The following NOS1AP variants were observed in gnomAD, a reference collection of about 807,000 sequenced individuals.
NOS1AP encodes carboxyl-terminal PDZ ligand of neuronal nitric oxide synthase protein.
In NOS1AP, 21 loss-of-function variants were observed where a neutral mutation model predicts 56.2. The ratio of observed to expected loss-of-function variants is 0.37; its 90% confidence interval spans 0.26 to 0.54. NOS1AP has a LOEUF of 0.54. NOS1AP is among the 20% of genes least tolerant of loss of function. The probability of loss-of-function intolerance (pLI) is 0.84; values close to 1 mark genes in which losing one functional copy is unlikely to be tolerated. For synonymous variants in NOS1AP, 270 were observed against 274.6 expected, an observed-to-expected ratio of 0.98 and a Z score of 0.17; for missense variants, 522 against 657.8, an observed-to-expected ratio of 0.79 and a Z score of 2.26.
chr1:162,167,460 G>T (rs1268813921), intron 2 of NOS1AP, among the ~76,000 whole-genome samples: 1 of 152,234 alleles, frequency 6.6e-6, no homozygotes, highest in African/African-American at 2.4e-5. Context: ...AGGCCACAGC[G>T]GAGAGAGCTG....
chr1:162,139,082 G>A (rs1649121454), intron 1 of NOS1AP, among the ~76,000 whole-genome samples: 1 of 152,024 alleles, frequency 6.6e-6, no homozygotes, highest in Non-Finnish European at 1.5e-5. Flanking sequence ...GCTCCCTTGT[G>A]GATGAGGGCT....
At chr1:162,170,545 T>A (rs1222537125) in intron 2 of NOS1AP, among the ~76,000 whole-genome samples, 1 of 152,092 alleles carries the variant, frequency 6.6e-6, no homozygotes, top group Non-Finnish European at 1.5e-5. Context: ...GGAGCAGGAA[T>A]AGGTTAGTTT....
chr1:162,202,195 A>T (rs541232640), intron 2 of NOS1AP, among the ~76,000 whole-genome samples: 3 of 152,176 alleles, frequency 2.0e-5, no homozygotes, highest in Admixed American at 6.5e-5. Context: ...AATGAATTTC[A>T]TTTTGGATGG....
intron 4 of NOS1AP, among the ~76,000 whole-genome samples, chr1:162,302,561 A>T (rs745891204): frequency 3.3e-5 from 5 of 152,220 alleles, no homozygotes; most frequent in African/African-American, 4.8e-5. Flanking sequence ...GATGCTGATC[A>T]TGAGTGAGTT....
At chr1:162,320,599 T>C (rs1047972455) in intron 4 of NOS1AP, among the ~76,000 whole-genome samples, 1 of 152,142 alleles carries the variant, frequency 6.6e-6, no homozygotes, top group African/African-American at 2.4e-5. Context: ...CTCACGCCTG[T>C]AATCCCAGCA....
At chr1:162,191,785 C>T (rs1300976764) in intron 2 of NOS1AP, among the ~76,000 whole-genome samples, 1 of 152,114 alleles carries the variant, frequency 6.6e-6, no homozygotes, top group East Asian at 1.9e-4. Flanking sequence ...AAAGTTGGCC[C>T]ATTAATTTTA....
At chr1:162,296,002 A>G (rs913003077) in intron 3 of NOS1AP, among the ~76,000 whole-genome samples, 4 of 152,176 alleles carry the variant, frequency 2.6e-5, no homozygotes, top group African/African-American at 9.7e-5. Context: ...AAGCTCCAAC[A>G]GTGGCCGGGT....
chr1:162,086,573 G>T (rs537105033), intron 1 of NOS1AP, among the ~76,000 whole-genome samples: 1 of 152,180 alleles, frequency 6.6e-6, no homozygotes, highest in African/African-American at 2.4e-5. Context: ...ATGAATCAAT[G>T]CATGAAGTTG....
chr1:162,336,734 T>C (rs1656951823), intron 5 of NOS1AP, among the ~76,000 whole-genome samples: 2 of 152,204 alleles, frequency 1.3e-5, no homozygotes, highest in African/African-American at 2.4e-5. Context: ...ATAAGAAAGA[T>C]ACGTGAGCCT....
chr1:162,164,317 C>A (rs12033217), intron 2 of NOS1AP, among the ~76,000 whole-genome samples: 32,203 of 152,150 alleles, frequency 0.21, 3,809 homozygotes, highest in East Asian at 0.38. Flanking sequence ...TTGCATTGAG[C>A]ATCTACTCTT....
At chr1:162,294,967 A>ACTGCTGCTG (rs1167178801) in intron 3 of NOS1AP, among the ~76,000 whole-genome samples, 8 of 152,042 alleles carry the variant, frequency 5.3e-5, no homozygotes, top group Non-Finnish European at 1.0e-4. Context: ...TGGCCTCACC[A>ACTGCTGCTG]CTGCTGCTGC....
intron 2 of NOS1AP, among the ~76,000 whole-genome samples, chr1:162,276,957 T>G (rs1654753533): frequency 6.6e-6 from 1 of 152,178 alleles, no homozygotes; most frequent in Admixed American, 6.5e-5. Context: ...GAAAGAAACC[T>G]TAGAGATGGT....
intron 1 of NOS1AP, among the ~76,000 whole-genome samples, chr1:162,124,964 G>A (rs1648419661): frequency 6.6e-6 from 1 of 152,128 alleles, no homozygotes; most frequent in South Asian, 2.1e-4. Flanking sequence ...TTCTTCTGTA[G>A]ATACCCAGTA....
intron 2 of NOS1AP, among the ~76,000 whole-genome samples, chr1:162,268,483 G>A (rs1654492587): frequency 6.6e-6 from 1 of 152,094 alleles, no homozygotes; most frequent in Non-Finnish European, 1.5e-5. Flanking sequence ...AAGCCTTGTG[G>A]GCAACAAGCC....
At chr1:162,121,946 C>T (rs1345049602) in intron 1 of NOS1AP, among the ~76,000 whole-genome samples, 2 of 152,168 alleles carry the variant, frequency 1.3e-5, no homozygotes, top group East Asian at 3.8e-4. Context: ...TTGAAACAAG[C>T]ATATTACAAT....
intron 4 of NOS1AP, among the ~76,000 whole-genome samples, chr1:162,309,153 A>T (rs903430843): frequency 6.6e-6 from 1 of 152,216 alleles, no homozygotes; most frequent in Non-Finnish European, 1.5e-5. Context: ...GATATTTGGG[A>T]TTTCTTGGGA....
chr1:162,227,162 A>C lies in NOS1AP; in HGVS notation c.178-60182A>C, dbSNP rs1410633114. On this transcript the variant is annotated intron_variant, in intron 2 of 9. Coordinates refer to ENST00000361897, the MANE Select transcript of NOS1AP (RefSeq NM_014697.3). ...TACAGAGTTATCTCTATTAACATTC[A>C]TAGAGTAGATTCTTCCAGTCTTTCC... is the stretch of plus-strand genomic sequence containing the variant. Among the ~76,000 whole-genome samples the C allele has an allele frequency of 2.0e-5, 3 of 152,330 alleles. No homozygotes were observed. In the East Asian group the frequency reaches 5.8e-4, roughly 29 times the overall value.
In NOS1AP at chr1:162,131,129, G is replaced by A. The variant is rs750234420; in HGVS notation, c.106-23276G>A. 6.6e-5 allele frequency among the ~76,000 whole-genome samples: 10 copies of A among 152,180 alleles called. No individual in the cohort carries two copies. The South Asian group carries it at 1.0e-3, about 16-fold the overall frequency. On this transcript the variant is annotated intron_variant, in intron 1 of 9. Transcript: ENST00000361897. ...AAGCATGACCCTTTAGAACTACTGC[G>A]TATTTTATATTTGATCGAATGTTTG...
chr1:162,104,205 T>C (rs1647408618), intron 1 of NOS1AP, among the ~76,000 whole-genome samples: 1 of 152,226 alleles, frequency 6.6e-6, no homozygotes. Context: ...GGTTGGAAAT[T>C]CTTTGCTTTA....
Sources: allele counts gnomAD v4.1 joint callset (sites outside exome capture counted in the v4.1 genomes callset), GRCh38; gene constraint gnomAD v4.1.1; transcripts MANE v1.5; gene names NCBI Gene and HGNC (gene_info 2026-07-23, HGNC 2026-07-21).